Variants in SUCLG2 observed in about 807,000 individuals in gnomAD.
The protein encoded by SUCLG2 is succinate--CoA ligase [GDP-forming] subunit beta, mitochondrial.
Under a neutral mutation model 47.9 loss-of-function variants are expected in SUCLG2, and 42 were observed. The ratio of observed to expected loss-of-function variants is 0.88; its 90% confidence interval spans 0.69 to 1.14. The LOEUF is 1.14. SUCLG2 is among the 50% of genes most tolerant of loss of function. The pLI, the probability that SUCLG2 is intolerant of heterozygous loss-of-function variation, is 0.00. For missense variants in SUCLG2, 571 were observed against 525.9 expected (o/e 1.09, Z -0.84); for synonymous variants, 195 against 197.3 (o/e 0.99, Z 0.10).
chr3:67,620,576 C>A (rs1700717056), intron 1 of SUCLG2, among the ~76,000 whole-genome samples: 2 of 73,074 alleles, frequency 2.7e-5, no homozygotes, highest in East Asian at 3.7e-4. Context: ...CACAGTGAGA[C>A]TCCATCTCAA....
chr3:67,407,768 T>G (rs937561664), intron 9 of SUCLG2, among the ~76,000 whole-genome samples: 5 of 151,672 alleles, frequency 3.3e-5, no homozygotes, highest in African/African-American at 7.3e-5. Flanking sequence ...GATAAGGACT[T>G]TTTTAAAAAA....
rs547429262 is a variant in SUCLG2 at position 67,474,411 on chromosome 3, C to T, written c.1062+21387G>A. Among the ~76,000 whole-genome samples, 5 of 152,238 alleles carry T rather than the reference C, an allele frequency of 3.3e-5. 1 individual carries two copies. Among genetic ancestry groups the T allele is most frequent in the African/African-American group, 1.2e-4 (5 of 41,544 alleles). On this transcript the variant is annotated intron_variant, in intron 9 of 10. Transcript: ENST00000307227. Reference sequence around the variant, plus strand: ...TGAAGCTTATTTGCTACTTTTTCGCCGGTCTCATTCTATAGATTTCTGTGG... The same window carrying T: ...TGAAGCTTATTTGCTACTTTTTCGCTGGTCTCATTCTATAGATTTCTGTGG...
intron 9 of SUCLG2, among the ~76,000 whole-genome samples, chr3:67,428,541 C>A (rs1703369531): frequency 6.6e-6 from 1 of 152,190 alleles, no homozygotes; most frequent in Non-Finnish European, 1.5e-5. Context: ...GCATCTCTTT[C>A]CCTCAAAAGG....
chr3:67,652,462 G>A (rs1238265674), intron 1 of SUCLG2, among the ~76,000 whole-genome samples: 2 of 152,112 alleles, frequency 1.3e-5, no homozygotes, highest in African/African-American at 4.8e-5. Flanking sequence ...GTCTGCCACG[G>A]GCAAGGGACT....
intron 9 of SUCLG2, among the ~76,000 whole-genome samples, chr3:67,442,947 C>T (rs550402765): frequency 6.6e-6 from 1 of 152,246 alleles, no homozygotes; most frequent in Admixed American, 6.5e-5. Context: ...TCTCCCTATC[C>T]ATGGGTTCTA....
At chr3:67,411,657 G>A (rs562266157) in intron 9 of SUCLG2, among the ~76,000 whole-genome samples, 11 of 151,928 alleles carry the variant, frequency 7.2e-5, no homozygotes, top group Non-Finnish European at 1.3e-4. Context: ...TTTGTGAAAG[G>A]CAATTTACTG....
At chr3:67,386,300 T>A (rs989778532) in intron 10 of SUCLG2, among the ~76,000 whole-genome samples, 5 of 151,590 alleles carry the variant, frequency 3.3e-5, no homozygotes, top group Admixed American at 3.3e-4. Context: ...GGTTTCACCG[T>A]GTTAGCCAGG....
chr3:67,393,650 G>C (rs1050110215), intron 10 of SUCLG2, among the ~76,000 whole-genome samples: 2 of 152,228 alleles, frequency 1.3e-5, no homozygotes, highest in Non-Finnish European at 2.9e-5. Context: ...GTCCCTGTCT[G>C]ACAGCTTTGA....
chr3:67,515,898 G>C (rs985243397), intron 6 of SUCLG2, among the ~76,000 whole-genome samples: 3 of 152,128 alleles, frequency 2.0e-5, no homozygotes, highest in Admixed American at 1.3e-4. Flanking sequence ...GGTGTCCCTA[G>C]ATGAACAACT....
intron 9 of SUCLG2, among the ~76,000 whole-genome samples, chr3:67,483,659 C>T (rs1291464053): frequency 6.6e-6 from 1 of 152,218 alleles, no homozygotes; most frequent in African/African-American, 2.4e-5. Flanking sequence ...ATAAGAATGC[C>T]TGGCAGGGAT....
intron 9 of SUCLG2, among the ~76,000 whole-genome samples, chr3:67,453,252 T>C (rs1704100588): frequency 6.6e-6 from 1 of 152,042 alleles, no homozygotes; most frequent in Non-Finnish European, 1.5e-5. Context: ...TTTCTTTTAA[T>C]TCTTATTGAT....
intron 1 of SUCLG2, among the ~76,000 whole-genome samples, chr3:67,640,085 C>G (rs1160236685): frequency 6.6e-6 from 1 of 152,186 alleles, no homozygotes; most frequent in Non-Finnish European, 1.5e-5. Context: ...AAGTCCTAAG[C>G]TGAAGATCTT....
At chr3:67,376,797 T>C (rs762504004) in intron 10 of SUCLG2, among the ~76,000 whole-genome samples, 16 of 152,318 alleles carry the variant, frequency 1.1e-4, no homozygotes, top group Non-Finnish European at 2.2e-4. Context: ...GCAGTGAAGA[T>C]GGCCGCTTGG....
rs1370511887 is a variant in SUCLG2 at position 67,375,499 on chromosome 3, C to G, written c.*245G>C. ...CCCAAAGTCTGCAAAACACTGCCTA[C>G]TGGGCAGGCTTACAGTGACAGAAAA... On this transcript the variant is annotated 3_prime_UTR_variant, in exon 11 of 11. Coordinates refer to ENST00000307227, the MANE Select transcript of SUCLG2 (RefSeq NM_003848.4). 8.3e-7 allele frequency: 1 copy of G among 1,205,714 alleles called. No individual in the cohort carries two copies. Among genetic ancestry groups the G allele is most frequent in the African/African-American group, 1.6e-5 (1 of 63,816 alleles). The allele number at this position is 1,205,714 out of a possible 1,614,324, so 74.7% of individuals were successfully genotyped here. A position where few individuals can be genotyped will look rare whatever the true frequency, so the allele number is the denominator to read the frequency against.
chr3:67,384,242 C>T (rs1023115216), intron 10 of SUCLG2, among the ~76,000 whole-genome samples: 5 of 152,110 alleles, frequency 3.3e-5, no homozygotes, highest in South Asian at 2.1e-4. Flanking sequence ...TTGACTCTCA[C>T]GAGACATTTC....
chr3:67,642,091 A>G (rs758192245), intron 1 of SUCLG2, among the ~76,000 whole-genome samples: 1 of 152,204 alleles, frequency 6.6e-6, no homozygotes, highest in Non-Finnish European at 1.5e-5. Flanking sequence ...CTTTAAAGAT[A>G]GAGTCTTTAC....
chr3:67,652,438 T>C (rs1036533324), intron 1 of SUCLG2, among the ~76,000 whole-genome samples: 2 of 152,224 alleles, frequency 1.3e-5, no homozygotes, highest in Non-Finnish European at 2.9e-5. Flanking sequence ...AAGTGGGCCA[T>C]GTTTAACTGC....
intron 5 of SUCLG2, 131 bp from the exon 6 acceptor site, chr3:67,518,467 G>T: frequency 1.2e-6 from 1 of 804,924 alleles, no homozygotes; most frequent in African/African-American, 1.7e-5. Flanking sequence ...AGATCTCTGA[G>T]CAGGGCTACC....
At chr3:67,384,400 A>C (rs750837821) in intron 10 of SUCLG2, among the ~76,000 whole-genome samples, 4 of 152,244 alleles carry the variant, frequency 2.6e-5, no homozygotes, top group African/African-American at 9.6e-5. Flanking sequence ...TTTGTTAAAA[A>C]AAGATTACTG....
Sources: allele counts gnomAD v4.1 joint callset (sites outside exome capture counted in the v4.1 genomes callset), GRCh38; gene constraint gnomAD v4.1.1; transcripts MANE v1.5; gene names NCBI Gene and HGNC (gene_info 2026-07-23, HGNC 2026-07-21).